Variants in TLE2 observed in about 807,000 individuals in gnomAD.
The protein encoded by TLE2 is transducin-like enhancer protein 2.
A neutral mutation model predicts 97.2 loss-of-function variants in TLE2; 74 were observed. The observed-to-expected ratio is 0.76, with a 90% CI of 0.63 to 0.92. TLE2 has a LOEUF of 0.92. Ranked by LOEUF, TLE2 falls within the 40% of genes least tolerant of loss-of-function variation. TLE2 has a pLI of 0.00. For synonymous variants in TLE2, 499 were observed against 432.1 expected (o/e 1.15, Z -1.92); for missense variants, 1,038 against 1,008.7 (o/e 1.03, Z -0.39).
In TLE2 at chr19:3,019,795, G is replaced by A. The variant is rs779015959; in HGVS notation, c.295-22C>T. On this transcript the variant is annotated intron_variant, in intron 5 of 19. Coordinates refer to ENST00000262953, the MANE Select transcript of TLE2 (RefSeq NM_003260.5). This position sits in a 1 kb window ranked among gnomAD's most constrained non-coding sequence, Gnocchi z 5.1. ...GATGCTGGCGGGTGGAAGGGATCAG[G>A]TAGAGGGTACATTGAGCCCCTGCTC... 1.2e-6 allele frequency: 2 copies of A among 1,606,776 alleles called. No homozygotes were observed. The highest frequency in any genetic ancestry group is 2.2e-5 in the East Asian group (1 of 44,600).
At chr19:3,043,168 G>A (rs991541524) in intron 1 of TLE2, among the ~76,000 whole-genome samples, 2 of 150,652 alleles carry the variant, frequency 1.3e-5, no homozygotes, top group African/African-American at 2.4e-5. Flanking sequence ...TCACCGTGTC[G>A]CCCAGGCTAG....
In TLE2 at chr19:3,019,874, G is replaced by A; in HGVS notation, c.295-101C>T. ...CTCTCCCCGCCACCCTCTCATCTTT[G>A]CCCCGGTACTTCCCATTTCTCTTTT... On this transcript the variant is annotated intron_variant, in intron 5 of 19. Transcript: ENST00000262953. The surrounding 1 kb of genome is among the most constrained non-coding windows in gnomAD (Gnocchi z 5.1). 7.1e-7 allele frequency: 1 copy of A among 1,414,468 alleles called. No homozygotes were observed. Among genetic ancestry groups the A allele is most frequent in the Non-Finnish European group, 9.6e-7 (1 of 1,042,764 alleles). 87.6% of individuals were successfully genotyped at this position (1,414,468 alleles called of 1,614,324 possible).
At chr19:3,029,562 G>GAGT, upstream of TLE2, 1 of 816,250 alleles carries the variant, frequency 1.2e-6, no homozygotes, top group Non-Finnish European at 1.5e-6. Context: ...TGGGAGCGGG[G>GAGT]GGGGGGGCTT....
At chr19:3,014,515 C>G in intron 10 of TLE2, 55 bp downstream of exon 10, 1 of 1,466,194 alleles carries the variant, frequency 6.8e-7, no homozygotes, top group Non-Finnish European at 9.1e-7. Context: ...GTCCAGAAAA[C>G]CCACCCCTTG....
Position 3,019,596 on chromosome 19 carries a change from C to A in TLE2, c.369+103G>T. ...CCTGGGGTTCCCAGGACCACTGGAG[C>A]CAAGGCCCACACACCACCCCAGCTT... On this transcript the variant is annotated intron_variant, in intron 6 of 19. Coordinates refer to ENST00000262953, the MANE Select transcript of TLE2 (RefSeq NM_003260.5). The surrounding 1 kb of genome is among the most constrained non-coding windows in gnomAD (Gnocchi z 5.1). 1 of 1,521,132 alleles carries A rather than the reference C, an allele frequency of 6.6e-7. No homozygotes were observed. Among genetic ancestry groups the A allele is most frequent in the South Asian group, 1.3e-5 (1 of 79,636 alleles). 94.2% of individuals were successfully genotyped at this position (1,521,132 alleles called of 1,614,324 possible). A position where few individuals can be genotyped will look rare whatever the true frequency, so the allele number is the denominator to read the frequency against.
rs750883525 is a variant in TLE2, at chr19:3,008,914, C to A, written c.1205G>T (p.Gly402Val). ...GGGTAGGGAGGAAGAGACGGATGAC[C>A]CTCGGAGATGGGGATGAGACTCAAA... is the stretch of plus-strand genomic sequence containing the variant. ...MAFESHPHLR[G>V]SSVSSSLPSI... is the part of the protein sequence containing the mutation. The change falls in exon 14 of 20, where the codon GGG becomes GTG. Residue 402 changes from glycine (G) to valine (V), a missense_variant. By Grantham distance (109) the Gly-to-Val change is moderately radical. Coordinates refer to ENST00000262953, the MANE Select transcript of TLE2 (RefSeq NM_003260.5). 18 of 1,594,950 alleles carry A rather than the reference C, an allele frequency of 1.1e-5. No individual in the cohort carries two copies. In the East Asian group the frequency reaches 4.1e-4, roughly 36 times the overall value.
Position 3,005,751 on chromosome 19 carries a change from A to T in TLE2, c.1718T>A (p.Val573Asp). ...FSCCSDGNIV[V>D]WDLQNQTMVR... ...CATAGTCTGATTCTGCAGGTCCCAG[A>T]CCACAATGTTGCCATCGCTGCAGCA... Residue 573 changes from valine to aspartate, a missense_variant, in exon 16 of 20, where the codon GTC becomes GAC. By Grantham distance (152) the Val-to-Asp change is radical. Coordinates refer to ENST00000262953, the MANE Select transcript of TLE2 (RefSeq NM_003260.5). 2 of 1,613,904 alleles carry T rather than the reference A, an allele frequency of 1.2e-6. No homozygotes were observed. The highest frequency in any genetic ancestry group is 1.7e-6 in the Non-Finnish European group (2 of 1,179,840).
At chr19:3,006,377 C>T (rs1568233417) in intron 15 of TLE2, 43 bp downstream of exon 15, 2 of 1,592,542 alleles carry the variant, frequency 1.3e-6, no homozygotes. Flanking sequence ...TAAGCCCCAC[C>T]CCTCACCTGT....
At chr19:3,027,975 A>C in intron 3 of TLE2, 102 bp from the exon 4 acceptor site, 1 of 1,215,732 alleles carries the variant, frequency 8.2e-7, no homozygotes, top group Non-Finnish European at 1.2e-6. Context: ...GTTCAGGGGA[A>C]TCACAGCAGG....
chr19:3,018,326 G>T (rs1352592341), intron 7 of TLE2, among the ~76,000 whole-genome samples: 3 of 151,670 alleles, frequency 2.0e-5, no homozygotes, highest in African/African-American at 4.9e-5. Flanking sequence ...ATTTATGAAT[G>T]AGACAGAGTC....
intron 5 of TLE2, among the ~76,000 whole-genome samples, chr19:3,024,167 ATTT>A (rs113734238): frequency 1.4e-5 from 2 of 146,450 alleles, no homozygotes; most frequent in Non-Finnish European, 3.0e-5. Context: ...TGCCCGGCTA[ATTT>A]TTTTTTTTAA....
intron 1 of TLE2, among the ~76,000 whole-genome samples, chr19:3,045,259 G>A (rs997405228): frequency 1.3e-5 from 2 of 152,158 alleles, no homozygotes; most frequent in Non-Finnish European, 2.9e-5. Flanking sequence ...TTGTGATGGG[G>A]ATGACTGAAG....
Position 2,997,824 on chromosome 19 carries a change from G to T in TLE2, c.*24C>A. 1 of 1,547,936 alleles carries T rather than the reference G, an allele frequency of 6.5e-7. No individual in the cohort carries two copies. Among genetic ancestry groups the T allele is most frequent in the South Asian group, 1.2e-5 (1 of 86,336 alleles). On this transcript the variant is annotated 3_prime_UTR_variant, in exon 20 of 20. Coordinates refer to ENST00000262953, the MANE Select transcript of TLE2 (RefSeq NM_003260.5). ...TGATTCCCCTGGGAGTCTGGACTTCGGGTACAGGAAGGGGGGTCATGTCTC... is the reference window on the plus strand; with the variant it reads ...TGATTCCCCTGGGAGTCTGGACTTCTGGTACAGGAAGGGGGGTCATGTCTC...
At chr19:3,043,311 G>A (rs1164637194) in intron 1 of TLE2, among the ~76,000 whole-genome samples, 1 of 146,700 alleles carries the variant, frequency 6.8e-6, no homozygotes, top group African/African-American at 2.5e-5. Context: ...GCCTCGGCCT[G>A]CCAAAGTGCT....
chr19:3,039,162 T>C (rs895696220), intron 1 of TLE2, among the ~76,000 whole-genome samples: 3 of 148,718 alleles, frequency 2.0e-5, no homozygotes, highest in Non-Finnish European at 4.4e-5. Flanking sequence ...TGCAGTGAGC[T>C]GAGACCGTGC....
At chr19:3,025,121 G>C in intron 4 of TLE2, 39 bp from the exon 5 acceptor site, 1 of 1,570,640 alleles carries the variant, frequency 6.4e-7, no homozygotes, top group Non-Finnish European at 8.6e-7. Context: ...GAGCGGGGTA[G>C]AGATTTGCAA....
intron 17 of TLE2, 68 bp downstream of exon 17, chr19:3,005,369 C>T (rs1171241466): frequency 5.1e-6 from 8 of 1,569,266 alleles, no homozygotes; most frequent in Non-Finnish European, 6.9e-6. Flanking sequence ...GTGGGCACCT[C>T]ACAAGGAGAG....
At chr19:3,031,798 G>T (rs981749738), upstream of TLE2, among the ~76,000 whole-genome samples, 6 of 152,118 alleles carry the variant, frequency 3.9e-5, no homozygotes, top group African/African-American at 1.2e-4. Context: ...CAGCTCAAAA[G>T]CTACCTCCTC....
At chr19:3,022,483 C>G (rs1035152359) in intron 5 of TLE2, among the ~76,000 whole-genome samples, 1 of 150,518 alleles carries the variant, frequency 6.6e-6, no homozygotes, top group Admixed American at 6.6e-5. Context: ...GAGCTGAGAT[C>G]GTGCCATTGC....
Sources: allele counts gnomAD v4.1 joint callset (sites outside exome capture counted in the v4.1 genomes callset), GRCh38; gene constraint gnomAD v4.1.1; non-coding constraint Gnocchi (gnomAD v3.1); transcripts MANE v1.5; gene names NCBI Gene and HGNC (gene_info 2026-07-23, HGNC 2026-07-21).